The following SHF variants were observed in gnomAD, a reference collection of about 807,000 sequenced individuals.
SHF encodes Src homology 2 domain containing F.
SHF carries 30 observed loss-of-function variants against 42.4 expected under a neutral mutation model. The observed-to-expected ratio is 0.71, with a 90% confidence interval of 0.53 to 0.96. SHF has a LOEUF of 0.96. Ranked by LOEUF, SHF falls within the 40% of genes least tolerant of loss-of-function variation. The probability of loss-of-function intolerance (pLI) is 0.00; values close to 1 mark genes in which losing one functional copy is unlikely to be tolerated. For missense variants in SHF, 598 were observed against 634.0 expected, an observed-to-expected ratio of 0.94 and a Z score of 0.61; for synonymous variants, 264 against 269.9, an observed-to-expected ratio of 0.98 and a Z score of 0.21.
At chr15:45,179,519 C>T (rs1898009729) in intron 1 of SHF, among the ~76,000 whole-genome samples, 1 of 152,230 alleles carries the variant, frequency 6.6e-6, no homozygotes, top group African/African-American at 2.4e-5. Context: ...TGCCTGCTGC[C>T]ATTCATCGCA....
At chr15:45,191,928 TAA>T (rs61199234), upstream of SHF, among the ~76,000 whole-genome samples, 45 of 135,412 alleles carry the variant, frequency 3.3e-4, no homozygotes, top group Admixed American at 5.2e-4. Context: ...TGTCTCTATT[TAA>T]AAAAAAAAAA....
At chr15:45,184,896 C>A (rs1445868673) in intron 1 of SHF, among the ~76,000 whole-genome samples, 2 of 152,244 alleles carry the variant, frequency 1.3e-5, no homozygotes, top group South Asian at 2.1e-4. Flanking sequence ...CAGATGGCCA[C>A]CCCTGCACCC....
upstream of SHF, among the ~76,000 whole-genome samples, chr15:45,192,057 A>G (rs1199374980): frequency 4.0e-5 from 6 of 151,756 alleles, no homozygotes; most frequent in Non-Finnish European, 7.4e-5. Flanking sequence ...ACCATTTGGT[A>G]CAAGTTGCAA....
At position 45,172,148 on chromosome 15, in the gene SHF, C is replaced by A. The variant is rs1460542936; in HGVS notation, c.1159G>T (p.Val387Phe). 22 of 1,613,902 alleles carry A rather than the reference C, an allele frequency of 1.4e-5. No individual in the cohort carries two copies. The highest frequency in any genetic ancestry group is 2.7e-5 in the African/African-American group (2 of 75,020). ...CCCCAGCTGGACACAGACACTCACA[C>A]CTGGTTTTCCAGAGGCAGTGCTGGA... ...TDPALPLENQ[V>F]WYHGAISRTD... Residue 387 changes from valine to phenylalanine, a missense_variant and splice_region_variant, in exon 5 of 7, where the codon GTC becomes TTC. Val to Phe is a conservative substitution (Grantham distance 50). Transcript: ENST00000690270.
exon 1 of SHF, chr15:45,200,727 C>T (rs974373419): frequency 6.6e-6 from 3 of 456,146 alleles, no homozygotes; most frequent in Non-Finnish European, 1.3e-5. Context: ...TTCCCCTTAC[C>T]TCGCGCCTCA....
Position 45,198,696 on chromosome 15 carries a change from A to AG in SHF, c.303+75dup, listed in dbSNP as rs1382451219. The AG allele has an allele frequency of 1.4e-5, 22 of 1,521,886 alleles. 1 individual carries two copies. Among genetic ancestry groups the AG allele is most frequent in the Middle Eastern group, 3.5e-4 (2 of 5,686 alleles). The allele number at this position is 1,521,886 out of a possible 1,614,324, so 94.3% of individuals were successfully genotyped here. A position where few individuals can be genotyped will look rare whatever the true frequency, so the allele number is the denominator to read the frequency against. On this transcript the variant is annotated intron_variant, in intron 2 of 7. Coordinates refer to the SHF transcript ENST00000290894. ...TCACGGCGAGCTACCGGGGACCCGT[A>AG]GGGGTTGGCTTCTGATTATCCTCTT...
At chr15:45,198,877 T>G (rs1463550751) in exon 2 of SHF, 1 of 1,613,962 alleles carries the variant, frequency 6.2e-7, no homozygotes, top group South Asian at 1.1e-5. Context: ...CGGGCTGTGG[T>G]GATGATGAGA....
chr15:45,199,252 T>G, intron 1 of SHF: 1 of 708,692 alleles, frequency 1.4e-6, no homozygotes, highest in Non-Finnish European at 2.2e-6. Flanking sequence ...CCGCAATGCT[T>G]CCGCCGTGCC....
chr15:45,178,063 T>C, intron 2 of SHF, 102 bp downstream of exon 2: 2 of 1,455,780 alleles, frequency 1.4e-6, no homozygotes, highest in Non-Finnish European at 1.8e-6. Context: ...TTTCTCCATA[T>C]TTTCCAGGGA....
rs984492411 is a variant in SHF at position 45,187,717 on chromosome 15, G to C, written c.235C>G (p.Pro79Ala). ...GGGGGCGCGGCCGGAGAGGGCGCAG[G>C]GGGGCGGTAGTCGGGCTCGGGGGGC... ...PAPPEPDYRP[P>A]APSPAAPPAP... Residue 79 changes from proline to alanine, a missense_variant, in exon 1 of 7, where the codon CCT (proline) becomes GCT (alanine). By Grantham distance (27) the Pro-to-Ala change is conservative. Around this residue, in one of 2 missense-constraint regions of SHF, gnomAD observed 159 missense variants for 109.3 expected, o/e 1.45. Coordinates refer to ENST00000690270, the MANE Select transcript of SHF (RefSeq NM_001394037.1). 15 of 1,095,886 alleles carry C rather than the reference G, an allele frequency of 1.4e-5. No individual in the cohort carries two copies. Among genetic ancestry groups the C allele is most frequent in the South Asian group, 4.6e-5 (1 of 21,886 alleles). The allele number at this position is 1,095,886 out of a possible 1,614,324, so 67.9% of individuals were successfully genotyped here.
chr15:45,200,156 A>G (rs1479002052), intron 1 of SHF, among the ~76,000 whole-genome samples: 1 of 152,046 alleles, frequency 6.6e-6, no homozygotes, highest in South Asian at 2.1e-4. Context: ...CTTCTGTGGA[A>G]ATTTGTACGT....
rs202019322 is a variant in SHF, at chr15:45,168,094, G to A, written c.1320C>T (p.Thr440=). The A allele has an allele frequency of 1.7e-5, 28 of 1,609,832 alleles. No individual in the cohort carries two copies. The African/African-American group carries it at 3.1e-4, about 18-fold the overall frequency. ...GGCCCAGCACATATTTGTGTTCCTTGGTTCGGGACAGCTTCATGTGCATGA... is the reference window on the plus strand; with the variant it reads ...GGCCCAGCACATATTTGTGTTCCTTAGTTCGGGACAGCTTCATGTGCATGA... ...QGFMHMKLSR[T]KEHKYVLGQN... is the part of the protein sequence containing the mutation. Residue 440 remains threonine, a synonymous_variant, in exon 7 of 7, where the codon ACC becomes ACT. Coordinates refer to ENST00000690270, the MANE Select transcript of SHF (RefSeq NM_001394037.1).
chr15:45,177,118 G>A (rs1032711005), intron 2 of SHF, among the ~76,000 whole-genome samples: 1 of 152,150 alleles, frequency 6.6e-6, no homozygotes, highest in Non-Finnish European at 1.5e-5. Flanking sequence ...GCAGTTTATT[G>A]TATTGGTCAG....
chr15:45,174,896 G>A (rs141791282), intron 3 of SHF, among the ~76,000 whole-genome samples: 8 of 152,242 alleles, frequency 5.3e-5, no homozygotes, highest in East Asian at 1.9e-4. Context: ...CATATGTCAC[G>A]AGTTTCATAA....
At chr15:45,184,543 G>A (rs732622) in intron 1 of SHF, among the ~76,000 whole-genome samples, 133,139 of 152,160 alleles carry the variant, frequency 0.87, 60,426 homozygotes, top group Non-Finnish European at 1. Flanking sequence ...CTCATTGTCC[G>A]TGTTACCTCT....
intron 2 of SHF, 93 bp from the exon 3 acceptor site, chr15:45,175,518 C>G (rs1897754866): frequency 1.5e-6 from 2 of 1,304,964 alleles, no homozygotes; most frequent in Non-Finnish European, 2.1e-6. Flanking sequence ...AGCCAGGCCT[C>G]CTTCAGAGGA....
intron 2 of SHF, among the ~76,000 whole-genome samples, chr15:45,196,954 G>T (rs894391505): frequency 6.7e-6 from 1 of 148,668 alleles, no homozygotes; most frequent in Non-Finnish European, 1.5e-5. Context: ...TCCCTATTAA[G>T]GATAGTAAAA....
chr15:45,187,086 G>A (rs977484762), intron 1 of SHF, among the ~76,000 whole-genome samples: 1 of 152,238 alleles, frequency 6.6e-6, no homozygotes, highest in African/African-American at 2.4e-5. Flanking sequence ...GCTTCCAGAG[G>A]GGCAGAAAGG....
chr15:45,169,697 G>T (rs979013019), intron 6 of SHF, among the ~76,000 whole-genome samples: 6 of 152,240 alleles, frequency 3.9e-5, no homozygotes, highest in African/African-American at 1.4e-4. Context: ...TCAAAAGACA[G>T]ATCTGGCTAA....
Sources: allele counts gnomAD v4.1 joint callset (sites outside exome capture counted in the v4.1 genomes callset), GRCh38; gene constraint gnomAD v4.1.1; regional missense constraint gnomAD v4.1.1; transcripts MANE v1.5; gene names NCBI Gene and HGNC (gene_info 2026-07-23, HGNC 2026-07-21).